The following COL4A5 variants were observed in gnomAD, a reference collection of about 807,000 sequenced individuals.
The protein encoded by COL4A5 is collagen alpha-5(IV) chain.
Under a neutral mutation model 130.2 loss-of-function variants are expected in COL4A5, and 26 were observed. The ratio of observed to expected loss-of-function variants is 0.20; its 90% CI spans 0.15 to 0.28. The LOEUF (loss-of-function observed/expected upper bound fraction) is 0.28. COL4A5 is among the 10% of genes least tolerant of loss of function. The pLI, the probability that COL4A5 is intolerant of heterozygous loss-of-function variation, is 1.00. For missense variants in COL4A5, 1,131 were observed against 1,344.3 expected, an observed-to-expected ratio of 0.84 and a Z score of 2.48; for synonymous variants, 496 against 439.6, an observed-to-expected ratio of 1.13 and a Z score of -1.60.
At chrX:108,645,638 G>C (rs1398962147) in intron 36 of COL4A5, among the ~76,000 whole-genome samples, 1 of 107,738 alleles carries the variant, frequency 9.3e-6, no homozygotes, top group East Asian at 2.9e-4. Context: ...GTGCAGGTTT[G>C]TTACATATGT....
intron 49 of COL4A5, among the ~76,000 whole-genome samples, chrX:108,691,845 A>G (rs2068643534): frequency 8.9e-6 from 1 of 111,870 alleles, no homozygotes. Context: ...AGAGTGATAT[A>G]AAAGTTTGTT....
intron 30 of COL4A5, 142 bp from the exon 31 acceptor site, chrX:108,620,117 T>A: frequency 2.0e-6 from 1 of 511,997 alleles, no homozygotes; most frequent in Non-Finnish European, 3.4e-6. Flanking sequence ...AGTTATTTTG[T>A]GTGCATGATG....
chrX:108,620,811 G>A (rs1483080431), intron 31 of COL4A5, among the ~76,000 whole-genome samples: 1 of 111,281 alleles, frequency 9.0e-6, no homozygotes, highest in Admixed American at 9.6e-5. Flanking sequence ...ACATCTGGGT[G>A]TTCATTAGCT....
chrX:108,452,504 G>A (rs1238142838), intron 1 of COL4A5, among the ~76,000 whole-genome samples: 1 of 111,622 alleles, frequency 9.0e-6, no homozygotes, highest in Non-Finnish European at 1.9e-5. Flanking sequence ...ATTTCATTGA[G>A]CAGTGGTTTG....
At chrX:108,527,797 C>T (rs2065341416) in intron 1 of COL4A5, among the ~76,000 whole-genome samples, 1 of 111,755 alleles carries the variant, frequency 8.9e-6, no homozygotes, top group South Asian at 3.8e-4. Context: ...CTCCTGGGGG[C>T]CTGAGGTTGG....
chrX:108,651,380 A>T (rs528802255), intron 36 of COL4A5, among the ~76,000 whole-genome samples: 1 of 112,225 alleles, frequency 8.9e-6, no homozygotes, highest in East Asian at 2.8e-4. Flanking sequence ...CATTATAGAA[A>T]ATCTACAAAG....
chrX:108,473,596 T>A (rs2064796591), intron 1 of COL4A5, among the ~76,000 whole-genome samples: 1 of 55,785 alleles, frequency 1.8e-5, no homozygotes, highest in South Asian at 8.5e-4. Flanking sequence ...TATAAAGTTT[T>A]ATATATATAT....
chrX:108,457,026 A>G (rs779669521), intron 1 of COL4A5, among the ~76,000 whole-genome samples: 47 of 111,582 alleles, frequency 4.2e-4, no homozygotes, highest in Admixed American at 1.9e-3. Context: ...GCCCCAAACA[A>G]AAGGCTCTGG....
In COL4A5 at chrX:108,620,433, TG is replaced by T. The variant is rs1486657808; in HGVS notation, c.2677+8del. The T allele has an allele frequency of 8.3e-7, 1 of 1,197,961 alleles. No individual in the cohort carries two copies. Among genetic ancestry groups the T allele is most frequent in the East Asian group, 3.0e-5 (1 of 33,719 alleles). On this transcript the variant is annotated splice_region_variant and intron_variant, in intron 31 of 52. Transcript: ENST00000328300. ...GGTGCCTCTGGATTTCCAGGTAATT[TG>T]TTTAAAGTTTTCTCTGATTTGGATT... is the stretch of plus-strand genomic sequence containing the variant.
chrX:108,546,055 T>C lies in COL4A5; in HGVS notation c.141+6250T>C, dbSNP rs747546717. Among the ~76,000 whole-genome samples the C allele has an allele frequency of 2.3e-4, 26 of 112,228 alleles. No individual in the cohort carries two copies. The Admixed American group carries it at 2.4e-3, about 11-fold the overall frequency. On this transcript the variant is annotated intron_variant, in intron 2 of 52. Transcript: ENST00000328300. ...ACAGCACCCTGGTGGGTCTTCACTCTTTATCCAATTTGCCAGTCTGGGTCT... is the reference window on the plus strand; with the variant it reads ...ACAGCACCCTGGTGGGTCTTCACTCCTTATCCAATTTGCCAGTCTGGGTCT...
At chrX:108,568,591 G>T in intron 4 of COL4A5, 38 bp from the exon 5 acceptor site, 1 of 981,820 alleles carries the variant, frequency 1.0e-6, no homozygotes, top group Non-Finnish European at 1.5e-6. Flanking sequence ...ATTTTTATGG[G>T]TTGTCATTTA....
chrX:108,627,371 G>T (rs903204034), intron 36 of COL4A5: 14 of 728,439 alleles, frequency 1.9e-5, no homozygotes, highest in Non-Finnish European at 2.1e-5. Flanking sequence ...TGAATTCCTT[G>T]TTCTATACAT....
At chrX:108,516,274 A>C (rs2065219856) in intron 1 of COL4A5, among the ~76,000 whole-genome samples, 1 of 112,243 alleles carries the variant, frequency 8.9e-6, no homozygotes, top group Admixed American at 9.4e-5. Context: ...TCTTAAATGC[A>C]CTTCGAACAC....
chrX:108,481,039 G>A (rs2064884756), intron 1 of COL4A5, among the ~76,000 whole-genome samples: 1 of 111,736 alleles, frequency 8.9e-6, no homozygotes, highest in African/African-American at 3.3e-5. Flanking sequence ...GTATGTCTAT[G>A]CCAATTATGC....
chrX:108,521,572 T>C (rs1055327061), intron 1 of COL4A5, among the ~76,000 whole-genome samples: 1 of 111,538 alleles, frequency 9.0e-6, no homozygotes, highest in African/African-American at 3.3e-5. Flanking sequence ...CATCACCTTG[T>C]CTGCTTTACA....
Position 108,668,453 on chromosome X carries a change from C to G in COL4A5, c.3739C>G (p.Leu1247Val), listed in dbSNP as rs780637196. Residue 1247 changes from leucine to valine, a missense_variant, in exon 41 of 53, where the codon CTG becomes GTG. Leu to Val is a conservative substitution (Grantham distance 32). Coordinates refer to ENST00000328300, the MANE Select transcript of COL4A5 (RefSeq NM_033380.3). ...PGPPGSPGPA[L>V]EGPKGNPGPQ... ...CCCTCCTGGTTCTCCGGGTCCAGCT[C>G]TGGAAGGACCTAAAGGCAACCCTGG... 8.3e-6 allele frequency: 10 copies of G among 1,204,961 alleles called. No individual in the cohort carries two copies. Among genetic ancestry groups the G allele is most frequent in the Non-Finnish European group, 1.1e-5 (10 of 893,100 alleles).
chrX:108,643,575 A>G (rs1287716663), intron 36 of COL4A5, among the ~76,000 whole-genome samples: 3 of 111,791 alleles, frequency 2.7e-5, no homozygotes, highest in Non-Finnish European at 1.9e-5. Context: ...CTCCTCAAAC[A>G]AAACAATTAT....
At chrX:108,609,653 C>A (rs2066794352) in intron 29 of COL4A5, among the ~76,000 whole-genome samples, 2 of 111,184 alleles carry the variant, frequency 1.8e-5, no homozygotes, top group Admixed American at 1.9e-4. Flanking sequence ...GAAACATTTG[C>A]CTGCCCCAAA....
intron 40 of COL4A5, among the ~76,000 whole-genome samples, 173 bp from the exon 41 acceptor site, chrX:108,668,146 A>G (rs1042119669): frequency 8.9e-6 from 1 of 111,919 alleles, no homozygotes; most frequent in African/African-American, 3.2e-5. Context: ...CTGCTAACAA[A>G]TGCATATATT....
Sources: allele counts gnomAD v4.1 joint callset (sites outside exome capture counted in the v4.1 genomes callset), GRCh38; gene constraint gnomAD v4.1.1; transcripts MANE v1.5; gene names NCBI Gene and HGNC (gene_info 2026-07-23, HGNC 2026-07-21).